Variants in HDAC9 observed in about 807,000 individuals in gnomAD.
The protein encoded by HDAC9 is MEF-2 interacting transcription repressor (MITR) protein.
HDAC9 carries 41 observed loss-of-function variants against 139.4 expected under a neutral mutation model. The ratio of observed to expected loss-of-function variants is 0.29; its 90% CI spans 0.23 to 0.38. The LOEUF (loss-of-function observed/expected upper bound fraction) is 0.38, where lower values mean the gene tolerates loss of function less well. Among genes scored for constraint, HDAC9 ranks in the 10% least tolerant of loss-of-function variants. The pLI is 1.00. For missense variants in HDAC9, 1,147 were observed against 1,297.0 expected (o/e 0.88, Z 1.78); for synonymous variants, 517 against 476.2 (o/e 1.09, Z -1.12).
At chr7:18,802,991 T>C (rs539042445) in intron 17 of HDAC9, among the ~76,000 whole-genome samples, 1 of 152,076 alleles carries the variant, frequency 6.6e-6, no homozygotes, top group African/African-American at 2.4e-5. Flanking sequence ...ATTTATAATA[T>C]ACTGAAACAT....
chr7:18,307,756 T>C (rs958844553), intron 1 of HDAC9, among the ~76,000 whole-genome samples: 1 of 152,174 alleles, frequency 6.6e-6, no homozygotes, highest in African/African-American at 2.4e-5. Flanking sequence ...TGAGCCAAAA[T>C]TGTGCCGCTG....
chr7:18,985,404 A>C (rs1033792103), intron 25 of HDAC9, among the ~76,000 whole-genome samples: 3 of 152,098 alleles, frequency 2.0e-5, no homozygotes, highest in African/African-American at 7.2e-5. Context: ...TGAACTCATC[A>C]TTTTTTATGG....
intron 2 of HDAC9, among the ~76,000 whole-genome samples, chr7:18,553,245 G>C (rs1048325539): frequency 6.6e-6 from 1 of 151,864 alleles, no homozygotes; most frequent in Non-Finnish European, 1.5e-5. Flanking sequence ...GAAACCTAAC[G>C]CTCCTGCTAC....
intron 12 of HDAC9, among the ~76,000 whole-genome samples, chr7:18,727,303 G>A (rs1584923081): frequency 6.6e-6 from 1 of 152,176 alleles, no homozygotes; most frequent in Admixed American, 6.5e-5. Context: ...TTAAAGGTCT[G>A]TTTCTTTCAA....
chr7:18,517,859 C>G (rs1238473557), intron 2 of HDAC9: 1 of 152,170 alleles, frequency 6.6e-6, no homozygotes, highest in African/African-American at 2.4e-5. Context: ...TGCTAAGAAA[C>G]TCCTGACTAT....
chr7:18,750,734 A>G lies in HDAC9; in HGVS notation c.2043+1596A>G, dbSNP rs534072989. ...TTCTATGCAATCCCATATGGAGTCC[A>G]TAAAGTAGACCAGCAAGGAGAATTA... On this transcript the variant is annotated intron_variant, in intron 14 of 25. Coordinates refer to ENST00000686413, the MANE Select transcript of HDAC9 (RefSeq NM_178425.4). Among the ~76,000 whole-genome samples, 9 of 152,336 alleles carry G rather than the reference A, an allele frequency of 5.9e-5. No individual in the cohort carries two copies. The East Asian group carries it at 7.7e-4, about 13-fold the overall frequency.
At chr7:18,818,233 C>A (rs1794711691) in intron 17 of HDAC9, among the ~76,000 whole-genome samples, 1 of 152,118 alleles carries the variant, frequency 6.6e-6, no homozygotes, top group Non-Finnish European at 1.5e-5. Context: ...GATACTTAAG[C>A]ACTGGGAGGT....
At chr7:18,094,915 G>C (rs1428481298) in intron 1 of HDAC9, among the ~76,000 whole-genome samples, 1 of 152,174 alleles carries the variant, frequency 6.6e-6, no homozygotes, top group Admixed American at 6.5e-5. Flanking sequence ...CAAGATGAGA[G>C]AGAGAGAAAT....
chr7:18,914,602 C>T (rs1032530781), intron 22 of HDAC9, among the ~76,000 whole-genome samples: 2 of 152,060 alleles, frequency 1.3e-5, no homozygotes, highest in East Asian at 3.9e-4. Flanking sequence ...AAACCAGGCT[C>T]ACAAATTTCT....
At chr7:18,646,807 A>T (rs1787563894) in intron 9 of HDAC9, among the ~76,000 whole-genome samples, 1 of 152,170 alleles carries the variant, frequency 6.6e-6, no homozygotes. Flanking sequence ...CATTATTGCT[A>T]TTGATGATAT....
In HDAC9 at chr7:18,199,754, CAA is replaced by C. The variant is rs59883693; in HGVS notation, c.25+37429_25+37430del. ...CAACATAGTGAAGTCATGTGTCTACCAAAAAAAAAAAAAAAAAAAAAAAAAGG... is the reference window on the plus strand; with the variant it reads ...CAACATAGTGAAGTCATGTGTCTACCAAAAAAAAAAAAAAAAAAAAAAAGG... On this transcript the variant is annotated intron_variant, in intron 2 of 12. Transcript: ENST00000417496. Among the ~76,000 whole-genome samples, 84 of 55,712 alleles carry C rather than the reference CAA, an allele frequency of 1.5e-3. 1 individual carries two copies. The highest frequency in any genetic ancestry group is 4.0e-3 in the African/African-American group (54 of 13,516). The allele number at this position is 55,712 out of a possible 152,430, so 36.5% of individuals were successfully genotyped here.
chr7:18,680,297 C>T (rs1584825729), intron 12 of HDAC9, among the ~76,000 whole-genome samples: 1 of 152,076 alleles, frequency 6.6e-6, no homozygotes, highest in Middle Eastern at 3.4e-3. Context: ...TCTTCATCTT[C>T]AGTTGCGTAA....
intron 2 of HDAC9, among the ~76,000 whole-genome samples, chr7:18,511,049 A>C (rs982956442): frequency 2.6e-5 from 4 of 152,240 alleles, no homozygotes; most frequent in Non-Finnish European, 5.9e-5. Flanking sequence ...AACACAGTGT[A>C]GTATATCATG....
chr7:18,601,865 T>G (rs1834038612), intron 6 of HDAC9, among the ~76,000 whole-genome samples: 1 of 152,326 alleles, frequency 6.6e-6, no homozygotes, highest in Middle Eastern at 3.4e-3. Flanking sequence ...GGATTTGATT[T>G]GCTAGTATTT....
At chr7:18,307,934 A>G (rs1391115003) in intron 1 of HDAC9, among the ~76,000 whole-genome samples, 7 of 152,238 alleles carry the variant, frequency 4.6e-5, no homozygotes, top group Non-Finnish European at 7.3e-5. Flanking sequence ...GGTGTGGAAT[A>G]TATGCACCAA....
intron 2 of HDAC9, among the ~76,000 whole-genome samples, chr7:18,179,901 C>CT (rs1452422161): frequency 1.3e-5 from 2 of 152,038 alleles, no homozygotes; most frequent in Non-Finnish European, 2.9e-5. Flanking sequence ...TAAATATGTG[C>CT]TTTTTTCTCT....
At chr7:18,914,481 A>C (rs1803016322) in intron 22 of HDAC9, among the ~76,000 whole-genome samples, 1 of 151,990 alleles carries the variant, frequency 6.6e-6, no homozygotes, top group Admixed American at 6.6e-5. Flanking sequence ...AAATAATAGC[A>C]AATATAGTAA....
At chr7:18,982,001 C>T (rs751796445) in intron 25 of HDAC9, among the ~76,000 whole-genome samples, 5 of 151,910 alleles carry the variant, frequency 3.3e-5, no homozygotes, top group Non-Finnish European at 7.4e-5. Context: ...GAGCAAATCA[C>T]AGAACCAGGG....
intron 22 of HDAC9, among the ~76,000 whole-genome samples, chr7:18,931,216 G>A (rs1435399420): frequency 6.6e-6 from 1 of 151,982 alleles, no homozygotes; most frequent in Non-Finnish European, 1.5e-5. Context: ...CTTGGCTCAG[G>A]GAAAGAACAT....
Sources: gnomAD v4.1 joint callset for allele counts (sites outside exome capture counted in the v4.1 genomes callset) on GRCh38, gnomAD v4.1.1 for gene constraint, MANE v1.5 for transcripts, NCBI Gene and HGNC (gene_info 2026-07-23, HGNC 2026-07-21) for gene names.